Variants in SEL1L2 observed in about 807,000 individuals in gnomAD.
SEL1L2 encodes SEL1L2 adaptor subunit of SYVN1 ubiquitin ligase, also known as protein sel-1 homolog 2.
SEL1L2 carries 89 observed loss-of-function variants against 98.8 expected under a neutral mutation model. The observed-to-expected ratio is 0.90, with a 90% CI of 0.76 to 1.07. The LOEUF is 1.07. Among genes scored for constraint, SEL1L2 ranks in the 50% least tolerant of loss-of-function variants. SEL1L2 has a pLI of 0.00. For missense variants in SEL1L2, 788 were observed against 812.0 expected (o/e 0.97, Z 0.36); for synonymous variants, 262 against 278.5 (o/e 0.94, Z 0.59).
At chr20:13,931,521 T>G (rs747516636) in intron 3 of SEL1L2, 82 bp downstream of exon 3, 36 of 863,940 alleles carry the variant, frequency 4.2e-5, no homozygotes, top group Middle Eastern at 7.9e-4. Flanking sequence ...ATCCTAAGAC[T>G]TCTCAGAAAG....
chr20:13,964,366 C>T (rs1340747979), intron 1 of SEL1L2, among the ~76,000 whole-genome samples: 2 of 149,984 alleles, frequency 1.3e-5, no homozygotes, highest in Non-Finnish European at 1.5e-5. Flanking sequence ...CCCCACCCCA[C>T]CCCACCCCCA....
intron 3 of SEL1L2, among the ~76,000 whole-genome samples, chr20:13,923,733 G>A (rs1322021549): frequency 2.6e-5 from 4 of 152,234 alleles, no homozygotes; most frequent in Non-Finnish European, 5.9e-5. Flanking sequence ...CAGCCTTGGC[G>A]ACAGAGTAAG....
chr20:13,911,773 T>TA (rs1367995945), intron 5 of SEL1L2, among the ~76,000 whole-genome samples: 1 of 152,118 alleles, frequency 6.6e-6, no homozygotes, highest in East Asian at 1.9e-4. Flanking sequence ...TTCGTTTTTG[T>TA]AAAAAAATAA....
At chr20:13,908,575 A>G (rs2048081468) in intron 5 of SEL1L2, among the ~76,000 whole-genome samples, 1 of 152,224 alleles carries the variant, frequency 6.6e-6, no homozygotes, top group Admixed American at 6.5e-5. Context: ...TGAGAAATAG[A>G]AAAATATATA....
At chr20:13,982,316 G>C (rs1025149847) in intron 1 of SEL1L2, among the ~76,000 whole-genome samples, 11 of 151,936 alleles carry the variant, frequency 7.2e-5, no homozygotes, top group Non-Finnish European at 1.5e-4. Flanking sequence ...TTCAAGACCA[G>C]ACTGAGCAAC....
intron 2 of SEL1L2, among the ~76,000 whole-genome samples, chr20:13,937,257 C>T (rs954634967): frequency 6.6e-6 from 1 of 152,314 alleles, no homozygotes; most frequent in East Asian, 1.9e-4. Flanking sequence ...AGTAATAAGA[C>T]AGCCAAATGC....
At chr20:13,931,262 C>T (rs1007804497) in intron 3 of SEL1L2, among the ~76,000 whole-genome samples, 5 of 151,602 alleles carry the variant, frequency 3.3e-5, no homozygotes, top group Non-Finnish European at 5.9e-5. Flanking sequence ...GATCTCCTGA[C>T]CTCGTGATCT....
intron 11 of SEL1L2, among the ~76,000 whole-genome samples, chr20:13,876,395 T>C (rs1015806714): frequency 7.5e-6 from 1 of 133,188 alleles, no homozygotes; most frequent in Non-Finnish European, 1.5e-5. Context: ...GTGTTTTCTC[T>C]CTCTCTCTCT....
At chr20:13,912,199 T>G (rs1485246733) in intron 5 of SEL1L2, among the ~76,000 whole-genome samples, 1 of 151,936 alleles carries the variant, frequency 6.6e-6, no homozygotes, top group Non-Finnish European at 1.5e-5. Flanking sequence ...CTGGTTCAAC[T>G]AAACATACAG....
intron 1 of SEL1L2, among the ~76,000 whole-genome samples, chr20:13,972,220 A>G (rs997111250): frequency 1.3e-5 from 2 of 152,202 alleles, no homozygotes; most frequent in African/African-American, 4.8e-5. Context: ...GGAAATGTTA[A>G]TTTACAAAAA....
intron 9 of SEL1L2, 56 bp from the exon 10 acceptor site, chr20:13,885,459 A>AT: frequency 8.7e-7 from 1 of 1,144,476 alleles, no homozygotes; most frequent in Non-Finnish European, 1.3e-6. Flanking sequence ...TAAATAAAGA[A>AT]AACATTTATG....
In SEL1L2 at chr20:13,866,797, C is replaced by A. The variant is rs1472333974; in HGVS notation, c.1309G>T (p.Ala437Ser). 11 of 1,612,784 alleles carry A rather than the reference C, an allele frequency of 6.8e-6. No individual in the cohort carries two copies. Among genetic ancestry groups the A allele is most frequent in the Non-Finnish European group, 7.6e-6 (9 of 1,179,470 alleles). Reference sequence around the variant, plus strand: ...GCAAGGGGCTGCCCACTCTGAGATGCCAGGTAAAAATATTTGAAGGCAAGT... The same window carrying A: ...GCAAGGGGCTGCCCACTCTGAGATGACAGGTAAAAATATTTGAAGGCAAGT... ...YKLAFKYFYL[A>S]SQSGQPLAIY... The change falls in exon 15 of 20, where the codon GCA (alanine) becomes TCA (serine). Residue 437 changes from alanine (A) to serine (S), a missense_variant. Ala to Ser is a moderately conservative substitution (Grantham distance 99). Coordinates refer to ENST00000284951, the MANE Select transcript of SEL1L2 (RefSeq NM_025229.2).
chr20:13,988,150 T>G (rs1037670354), intron 1 of SEL1L2, among the ~76,000 whole-genome samples: 1 of 151,850 alleles, frequency 6.6e-6, no homozygotes, highest in African/African-American at 2.4e-5. Flanking sequence ...TTTGTGTATA[T>G]GAGGTATGAG....
At chr20:13,936,902 G>A (rs2049480614) in intron 2 of SEL1L2, among the ~76,000 whole-genome samples, 1 of 152,142 alleles carries the variant, frequency 6.6e-6, no homozygotes, top group African/African-American at 2.4e-5. Flanking sequence ...CAGTTCTCAG[G>A]AAGAGCAGGA....
chr20:13,929,991 A>G (rs2049071428), intron 3 of SEL1L2, among the ~76,000 whole-genome samples: 1 of 152,108 alleles, frequency 6.6e-6, no homozygotes, highest in African/African-American at 2.4e-5. Context: ...AGGTTTCACC[A>G]TGTTGGCCAG....
In SEL1L2 at chr20:13,936,082, T is replaced by C. The variant is rs575879738; in HGVS notation, c.115-4311A>G. Reference sequence around the variant, plus strand: ...AGCTCTTCATCGGAGAAAGAAGCTGTGTTTTGATAGTCTCTGACATCTTCA... The same window carrying C: ...AGCTCTTCATCGGAGAAAGAAGCTGCGTTTTGATAGTCTCTGACATCTTCA... On this transcript the variant is annotated intron_variant, in intron 2 of 19. Transcript: ENST00000284951. Among the ~76,000 whole-genome samples, 3 of 152,348 alleles carry C rather than the reference T, an allele frequency of 2.0e-5. No homozygotes were observed. In the South Asian group the frequency reaches 6.2e-4, roughly 32 times the overall value.
chr20:13,884,331 T>C (rs1015864376), intron 10 of SEL1L2, among the ~76,000 whole-genome samples: 12 of 152,070 alleles, frequency 7.9e-5, no homozygotes, highest in African/African-American at 2.9e-4. Flanking sequence ...ATCCAGTTAC[T>C]TCCCAGGTCT....
intron 1 of SEL1L2, among the ~76,000 whole-genome samples, chr20:13,965,603 C>A (rs920223566): frequency 3.3e-5 from 5 of 151,936 alleles, no homozygotes; most frequent in African/African-American, 9.7e-5. Context: ...TTCCGTCTAC[C>A]CTTAGAATAA....
intron 14 of SEL1L2, among the ~76,000 whole-genome samples, chr20:13,867,311 A>G (rs935041956): frequency 2.0e-5 from 3 of 151,896 alleles, no homozygotes; most frequent in Non-Finnish European, 4.4e-5. Flanking sequence ...CTCTCACCAA[A>G]CTCCTGCTTA....
Sources: allele counts gnomAD v4.1 joint callset (sites outside exome capture counted in the v4.1 genomes callset), GRCh38; gene constraint gnomAD v4.1.1; transcripts MANE v1.5; gene names NCBI Gene and HGNC (gene_info 2026-07-23, HGNC 2026-07-21).